NFIC: variants seen among roughly 807,000 people sequenced by gnomAD.
NFIC encodes nuclear factor 1 C-type.
In NFIC, 12 loss-of-function variants were observed where a neutral mutation model predicts 54.4. That is an observed-to-expected ratio of 0.22 (90% CI 0.14 to 0.36). NFIC has a LOEUF of 0.36. Among genes scored for constraint, NFIC ranks in the 10% least tolerant of loss-of-function variants. The pLI, the probability that NFIC is intolerant of heterozygous loss-of-function variation, is 1.00. For synonymous variants in NFIC, 322 were observed against 319.2 expected, an observed-to-expected ratio of 1.01 and a Z score of -0.09; for missense variants, 575 against 718.2, an observed-to-expected ratio of 0.80 and a Z score of 2.28.
At chr19:3,394,861 T>C (rs1371696143) in intron 2 of NFIC, among the ~76,000 whole-genome samples, 7 of 152,078 alleles carry the variant, frequency 4.6e-5, no homozygotes. Flanking sequence ...AGAATCTGAC[T>C]AATGTCTAAT....
intron 2 of NFIC, chr19:3,411,122 C>G (rs2081751334): frequency 6.6e-6 from 1 of 151,930 alleles, no homozygotes; most frequent in Admixed American, 6.6e-5. Flanking sequence ...CTCAAGCAGT[C>G]CTCCTGCCTC....
At chr19:3,424,428 C>A (rs2081997295) in intron 2 of NFIC, among the ~76,000 whole-genome samples, 1 of 152,074 alleles carries the variant, frequency 6.6e-6, no homozygotes, top group Non-Finnish European at 1.5e-5. Context: ...CCAGACTGGA[C>A]TGCAGTGGTG....
At chr19:3,442,833 AT>A (rs1433246340) in intron 6 of NFIC, among the ~76,000 whole-genome samples, 3 of 152,212 alleles carry the variant, frequency 2.0e-5, no homozygotes, top group Non-Finnish European at 4.4e-5. Context: ...CAGCCTCCAC[AT>A]CTGTGAAATG....
At chr19:3,410,855 C>A (rs1364251721) in intron 2 of NFIC, 1 of 152,270 alleles carries the variant, frequency 6.6e-6, no homozygotes, top group Admixed American at 6.5e-5. Flanking sequence ...GAGGCTCCGA[C>A]AGAGGAGGTG....
At chr19:3,371,321 AT>A (rs753286253) in intron 1 of NFIC, 4,461 of 124,466 alleles carry the variant, frequency 0.036, 85 homozygotes, top group African/African-American at 0.054. Flanking sequence ...AGGCAGCACA[AT>A]TTTTTTTTTT....
chr19:3,452,419 C>A lies in NFIC; in HGVS notation c.1085-63C>A. Reference sequence around the variant, plus strand: ...AATGACACCCACAGACACACAGTCACACGGTCACAGAGCAGACCGGCTGGA... The same window carrying A: ...AATGACACCCACAGACACACAGTCAAACGGTCACAGAGCAGACCGGCTGGA... On this transcript the variant is annotated intron_variant, in intron 7 of 10. Coordinates refer to ENST00000443272, the MANE Select transcript of NFIC (RefSeq NM_001245002.2). This position sits in a 1 kb window ranked among gnomAD's most constrained non-coding sequence, Gnocchi z 5.3. 6.3e-7 allele frequency: 1 copy of A among 1,579,050 alleles called. No homozygotes were observed. The highest frequency in any genetic ancestry group is 8.6e-7 in the Non-Finnish European group (1 of 1,160,770).
At chr19:3,390,177 AG>A (rs1296631845) in intron 2 of NFIC, among the ~76,000 whole-genome samples, 1 of 152,142 alleles carries the variant, frequency 6.6e-6, no homozygotes, top group African/African-American at 2.4e-5. Flanking sequence ...CACCCTTTCC[AG>A]GTGTCTGGAC....
In NFIC at chr19:3,435,028, C is replaced by A. The variant is rs1464449735; in HGVS notation, c.834-55C>A. ...GGAAGTAGCAAAGCCCGCCGTCGCG[C>A]CCCCCGCCCCGCGTCTCCCTGGTAA... On this transcript the variant is annotated intron_variant, in intron 5 of 10. Transcript: ENST00000443272. 4.7e-6 allele frequency: 7 copies of A among 1,500,960 alleles called. No individual in the cohort carries two copies. The East Asian group carries it at 1.8e-4, about 38-fold the overall frequency. The allele number at this position is 1,500,960 out of a possible 1,614,324, so 93.0% of individuals were successfully genotyped here.
chr19:3,446,695 T>C (rs1960376191), intron 6 of NFIC, among the ~76,000 whole-genome samples: 1 of 152,224 alleles, frequency 6.6e-6, no homozygotes, highest in Non-Finnish European at 1.5e-5. Flanking sequence ...CCCAGGACAC[T>C]GCATTTCTCA....
intron 9 of NFIC, among the ~76,000 whole-genome samples, chr19:3,456,222 C>T (rs1022672001): frequency 1.3e-5 from 2 of 152,232 alleles, no homozygotes; most frequent in Non-Finnish European, 2.9e-5. Context: ...ACCGGGCGGG[C>T]GCTGCCCACC....
chr19:3,397,182 C>T (rs1222964047), intron 2 of NFIC, among the ~76,000 whole-genome samples: 1 of 152,160 alleles, frequency 6.6e-6, no homozygotes, highest in Non-Finnish European at 1.5e-5. Flanking sequence ...TCATTAACAG[C>T]ATTTAACAGA....
chr19:3,429,172 C>T (rs1206566426), intron 3 of NFIC, among the ~76,000 whole-genome samples: 1 of 130,828 alleles, frequency 7.6e-6, no homozygotes, highest in East Asian at 2.2e-4. Flanking sequence ...CACACACACA[C>T]ACTAGCCCCA....
chr19:3,463,991 T>G lies in NFIC; in HGVS notation c.*1222T>G. On this transcript the variant is annotated 3_prime_UTR_variant, in exon 11 of 11. Coordinates refer to ENST00000443272, the MANE Select transcript of NFIC (RefSeq NM_001245002.2). ...GAGCTAGAGAGATGGGGCCCCTGCG[T>G]GGCCCGAGGGGCAGAGCTGGGCGTC... The G allele has an allele frequency of 1.0e-6, 1 of 984,702 alleles. No individual in the cohort carries two copies. Among genetic ancestry groups the G allele is most frequent in the East Asian group, 1.2e-4 (1 of 8,686 alleles). The allele number at this position is 984,702 out of a possible 1,614,324, so 61.0% of individuals were successfully genotyped here. A position where few individuals can be genotyped will look rare whatever the true frequency, so the allele number is the denominator to read the frequency against.
chr19:3,431,038 C>T (rs896129411), intron 3 of NFIC, among the ~76,000 whole-genome samples: 2 of 151,928 alleles, frequency 1.3e-5, no homozygotes, highest in African/African-American at 2.4e-5. Flanking sequence ...AAGGTGCATC[C>T]ATGTTGTAGC....
At chr19:3,408,499 T>G (rs897732432) in intron 2 of NFIC, among the ~76,000 whole-genome samples, 1 of 152,130 alleles carries the variant, frequency 6.6e-6, no homozygotes, top group Non-Finnish European at 1.5e-5. Context: ...TGGAGTGCAG[T>G]GGCACTGTCA....
chr19:3,456,658 G>T, intron 10 of NFIC, 23 bp downstream of exon 10: 2 of 1,525,364 alleles, frequency 1.3e-6, no homozygotes, highest in South Asian at 1.2e-5. Flanking sequence ...AGGCCGGCTG[G>T]TGGGGTGGGA....
Position 3,453,836 on chromosome 19 carries a change from G to C in NFIC, c.1343G>C (p.Gly448Ala). 1.3e-6 allele frequency: 2 copies of C among 1,585,108 alleles called. No individual in the cohort carries two copies. Among genetic ancestry groups the C allele is most frequent in the Non-Finnish European group, 1.7e-6 (2 of 1,167,010 alleles). The change falls in exon 9 of 11, where the codon GGG (glycine) becomes GCG (alanine). Residue 448 changes from glycine (G) to alanine (A), a missense_variant. This residue lies in a region of NFIC where 447 missense variants were observed against 526.9 expected (regional missense o/e 0.85). Transcript: ENST00000443272. The surrounding 1 kb of genome is among the most constrained non-coding windows in gnomAD (Gnocchi z 6.7). Reference sequence around the variant, plus strand: ...CAGATGCTGGCACCTCCGCCCCCGGGGCTGCCACGGCTGGCGCTCCCCCCT... The same window carrying C: ...CAGATGCTGGCACCTCCGCCCCCGGCGCTGCCACGGCTGGCGCTCCCCCCT... The part of the protein sequence containing the change: ...SAQMLAPPPP[G>A]LPRLALPPAT...
chr19:3,444,284 A>C (rs2082337923), intron 6 of NFIC, among the ~76,000 whole-genome samples: 1 of 152,194 alleles, frequency 6.6e-6, no homozygotes, highest in South Asian at 2.1e-4. Context: ...TGTGTTAAAC[A>C]GACAGGAAGA....
chr19:3,416,590 C>T (rs2081857993), intron 2 of NFIC, among the ~76,000 whole-genome samples: 1 of 151,418 alleles, frequency 6.6e-6, no homozygotes, highest in African/African-American at 2.4e-5. Flanking sequence ...GGCGTGATCT[C>T]GGCTCACTGC....
Sources: gnomAD v4.1 joint callset for allele counts (sites outside exome capture counted in the v4.1 genomes callset) on GRCh38, gnomAD v4.1.1 for gene constraint, gnomAD v4.1.1 regional missense constraint, Gnocchi (gnomAD v3.1) non-coding constraint, MANE v1.5 for transcripts, NCBI Gene and HGNC (gene_info 2026-07-23, HGNC 2026-07-21) for gene names.